CBFA2T2: variants seen among roughly 807,000 people sequenced by gnomAD.
CBFA2T2 encodes CBFA2/RUNX1 partner transcriptional co-repressor 2.
CBFA2T2 carries 11 observed loss-of-function variants against 62.2 expected under a neutral mutation model. The observed-to-expected ratio is 0.18, with a 90% CI of 0.11 to 0.29. The LOEUF (loss-of-function observed/expected upper bound fraction) is 0.29, where lower values mean the gene tolerates loss of function less well. CBFA2T2 is among the 10% of genes least tolerant of loss of function. The pLI, the probability that CBFA2T2 is intolerant of heterozygous loss-of-function variation, is 1.00. For synonymous variants in CBFA2T2, 295 were observed against 287.5 expected, an observed-to-expected ratio of 1.03 and a Z score of -0.27; for missense variants, 592 against 774.1, an observed-to-expected ratio of 0.76 and a Z score of 2.79.
At chr20:33,619,473 G>A in intron 3 of CBFA2T2, 44 bp from the exon 4 acceptor site, 1 of 1,109,432 alleles carries the variant, frequency 9.0e-7, no homozygotes, top group South Asian at 1.6e-5. Context: ...ATAAGTTTTG[G>A]AAGTCCAGTT....
At chr20:33,600,405 C>G in intron 1 of CBFA2T2, 1 of 342,700 alleles carries the variant, frequency 2.9e-6, no homozygotes, top group South Asian at 2.1e-5. Context: ...CCAGGCTCGT[C>G]TTGAACTCCT....
chr20:33,642,116 T>TTGTG (rs869240464), intron 10 of CBFA2T2, among the ~76,000 whole-genome samples: 850 of 58,832 alleles, frequency 0.014, 11 homozygotes, highest in Middle Eastern at 0.022. Flanking sequence ...TTTTTTTTTT[T>TTGTG]TGTGTGTGTG....
chr20:33,644,265 C>A, intron 10 of CBFA2T2, 82 bp from the exon 11 acceptor site: 1 of 1,498,460 alleles, frequency 6.7e-7, no homozygotes, highest in Non-Finnish European at 9.1e-7. Context: ...TACATACAGC[C>A]CCTTGCTTTA....
At position 33,607,171 on chromosome 20, in the gene CBFA2T2, G is replaced by A. The variant is rs962681994; in HGVS notation, c.178+72G>A. 3 of 1,413,544 alleles carry A rather than the reference G, an allele frequency of 2.1e-6. No individual in the cohort carries two copies. In the African/African-American group the frequency reaches 4.2e-5, roughly 20 times the overall value. The allele number at this position is 1,413,544 out of a possible 1,614,324, so 87.6% of individuals were successfully genotyped here. A position where few individuals can be genotyped will look rare whatever the true frequency, so the allele number is the denominator to read the frequency against. On this transcript the variant is annotated intron_variant, in intron 2 of 10. Transcript: ENST00000342704. ...GATCTAAGTGACTGACTTGTATGAA[G>A]CGTTCCACATATATTATTCAGTGTT...
chr20:33,603,790 C>G (rs772840100), intron 1 of CBFA2T2, among the ~76,000 whole-genome samples: 1 of 152,130 alleles, frequency 6.6e-6, no homozygotes, highest in South Asian at 2.1e-4. Context: ...TGGGATCCAG[C>G]TAGAATATAG....
rs865972409 is a variant in CBFA2T2 at position 33,621,313 on chromosome 20, T to G, written c.510+1707T>G. 6.5e-3 allele frequency among the ~76,000 whole-genome samples: 705 copies of G among 108,102 alleles called. 5 individuals carry two copies. Among genetic ancestry groups the G allele is most frequent in the African/African-American group, 0.024 (601 of 25,318 alleles). The allele number at this position is 108,102 out of a possible 152,430, so 70.9% of individuals were successfully genotyped here. A position where few individuals can be genotyped will look rare whatever the true frequency, so the allele number is the denominator to read the frequency against. On this transcript the variant is annotated intron_variant, in intron 4 of 10. Transcript: ENST00000342704. ...TTTTTTTTTTTTTTTTTTTTTTTTTTGGGGAGACAAAATCTCGCCCTGTTG... is the reference window on the plus strand; with the variant it reads ...TTTTTTTTTTTTTTTTTTTTTTTTTGGGGGAGACAAAATCTCGCCCTGTTG...
chr20:33,632,167 C>CT (rs1347201526), intron 8 of CBFA2T2, among the ~76,000 whole-genome samples: 1 of 152,130 alleles, frequency 6.6e-6, no homozygotes, highest in Non-Finnish European at 1.5e-5. Flanking sequence ...CCTCATCCTC[C>CT]TGAGTAGCTG....
chr20:33,529,753 A>T lies in CBFA2T2; in HGVS notation c.34+39452A>T, dbSNP rs1256127716. On this transcript the variant is annotated intron_variant, in intron 1 of 10. Transcript: ENST00000342704. ...GAAAGAAGAAAGCAGTTATATATAT[A>T]TATATATATATATATATATATATAT... Among the ~76,000 whole-genome samples the T allele has an allele frequency of 4.2e-3, 12 of 2,890 alleles. No homozygotes were observed. The Non-Finnish European group carries it at 0.31, about 75-fold the overall frequency. 1.9% of individuals were successfully genotyped at this position (2,890 alleles called of 152,430 possible). A position where few individuals can be genotyped will look rare whatever the true frequency, so the allele number is the denominator to read the frequency against.
At chr20:33,570,487 A>G (rs774612501) in intron 1 of CBFA2T2, among the ~76,000 whole-genome samples, 1 of 152,206 alleles carries the variant, frequency 6.6e-6, no homozygotes, top group Non-Finnish European at 1.5e-5. Flanking sequence ...ATTGAAAGGT[A>G]GGGAAGTCAG....
intron 1 of CBFA2T2, among the ~76,000 whole-genome samples, chr20:33,582,179 G>A (rs1355992379): frequency 1.3e-5 from 2 of 152,142 alleles, no homozygotes; most frequent in African/African-American, 4.8e-5. Flanking sequence ...GGTCATGTTA[G>A]CCTTTTGATG....
chr20:33,573,982 T>A, intron 1 of CBFA2T2: 1 of 500,026 alleles, frequency 2.0e-6, no homozygotes. Context: ...AGAGGTGGGG[T>A]TTTGCCATGT....
intron 4 of CBFA2T2, among the ~76,000 whole-genome samples, chr20:33,622,683 T>C (rs1046826526): frequency 6.6e-6 from 1 of 152,162 alleles, no homozygotes; most frequent in Admixed American, 6.5e-5. Context: ...TATACAGAGC[T>C]GGAAGGAAGG....
chr20:33,554,627 A>T (rs1480136421), intron 1 of CBFA2T2, among the ~76,000 whole-genome samples: 28 of 31,986 alleles, frequency 8.8e-4, no homozygotes, highest in Non-Finnish European at 1.1e-3. Context: ...TTTTTTTGAG[A>T]TGGAGTTTCG....
At chr20:33,512,327 G>A (rs1305683425) in intron 1 of CBFA2T2, among the ~76,000 whole-genome samples, 1 of 151,688 alleles carries the variant, frequency 6.6e-6, no homozygotes, top group African/African-American at 2.4e-5. Context: ...CTCCAGCCTG[G>A]GCGACAGAGC....
intron 1 of CBFA2T2, among the ~76,000 whole-genome samples, chr20:33,537,056 C>A (rs956797012): frequency 6.6e-6 from 1 of 152,108 alleles, no homozygotes. Flanking sequence ...GGCGGCCAGG[C>A]AGAGATGCTC....
intron 1 of CBFA2T2, among the ~76,000 whole-genome samples, chr20:33,513,859 A>G (rs1449423909): frequency 1.4e-5 from 2 of 146,594 alleles, no homozygotes; most frequent in South Asian, 2.1e-4. Context: ...TGTTTAATAT[A>G]TTTAGGTGTT....
intron 1 of CBFA2T2, among the ~76,000 whole-genome samples, chr20:33,597,888 G>A (rs770928531): frequency 2.0e-5 from 3 of 152,032 alleles, no homozygotes; most frequent in Non-Finnish European, 4.4e-5. Context: ...TTTTCCTTTA[G>A]CATCGGCCAG....
At position 33,628,382 on chromosome 20, in the gene CBFA2T2, G is replaced by C. The variant is rs1601095858; in HGVS notation, c.979G>C (p.Asp327His). 3.7e-6 allele frequency: 6 copies of C among 1,613,024 alleles called. No homozygotes were observed. The South Asian group carries it at 5.5e-5, about 15-fold the overall frequency. Residue 327 changes from aspartate (D) to histidine (H), a missense_variant, in exon 7 of 11, where the codon GAT (aspartate) becomes CAT (histidine). Asp to His is a moderately conservative substitution (Grantham distance 81). Transcript: ENST00000342704. The stretch of plus-strand genomic sequence containing the variant: ...TGGAGGCTATCAAGATGAGTTGGTA[G>C]ATCATCGTTTGACAGAAAGGGAATG... ...LNGGYQDELV[D>H]HRLTEREWAD...
intron 1 of CBFA2T2, among the ~76,000 whole-genome samples, chr20:33,529,746 TATATA>T (rs1568802633): frequency 0.012 from 1,556 of 129,302 alleles, 91 homozygotes; most frequent in African/African-American, 0.043. Context: ...AAAGCAGTTA[TATATA>T]TATATATATA....
Sources: gnomAD v4.1 joint callset for allele counts (sites outside exome capture counted in the v4.1 genomes callset) on GRCh38, gnomAD v4.1.1 for gene constraint, MANE v1.5 for transcripts, NCBI Gene and HGNC (gene_info 2026-07-23, HGNC 2026-07-21) for gene names.